Variants in MARK2 observed in about 807,000 individuals in gnomAD.
The protein encoded by MARK2 is microtubule affinity regulating kinase 2.
MARK2 carries 16 observed loss-of-function variants against 89.8 expected under a neutral mutation model. The ratio of observed to expected loss-of-function variants is 0.18; its 90% confidence interval spans 0.12 to 0.27. MARK2 has a LOEUF of 0.27. MARK2 is among the 10% of genes least tolerant of loss of function. The probability of loss-of-function intolerance (pLI) is 1.00; values close to 1 mark genes in which losing one functional copy is unlikely to be tolerated. For missense variants in MARK2, 621 were observed against 1,049.9 expected, an observed-to-expected ratio of 0.59 and a Z score of 5.65; for synonymous variants, 382 against 399.5, an observed-to-expected ratio of 0.96 and a Z score of 0.52.
intron 1 of MARK2, among the ~76,000 whole-genome samples, chr11:63,877,892 A>G (rs1368443587): frequency 6.6e-6 from 1 of 152,206 alleles, no homozygotes; most frequent in Non-Finnish European, 1.5e-5. Flanking sequence ...ACATATACTC[A>G]GTCTCACTGA....
At chr11:63,897,247 G>T (rs1940486283) in intron 3 of MARK2, among the ~76,000 whole-genome samples, 1 of 152,208 alleles carries the variant, frequency 6.6e-6, no homozygotes, top group South Asian at 2.1e-4. Flanking sequence ...CTGCCCCAGA[G>T]GGTGGTATCC....
intron 1 of MARK2, among the ~76,000 whole-genome samples, chr11:63,875,166 G>A (rs1233293843): frequency 6.7e-6 from 1 of 148,226 alleles, no homozygotes; most frequent in African/African-American, 2.5e-5. Flanking sequence ...TGTCACCCAG[G>A]CTTAAGTGCA....
At chr11:63,850,342 G>GTTTTTTTTTTTT (rs1382022541) in intron 1 of MARK2, among the ~76,000 whole-genome samples, 3 of 120,744 alleles carry the variant, frequency 2.5e-5, no homozygotes, top group Non-Finnish European at 5.1e-5. Context: ...TTTTTTTTTG[G>GTTTTTTTTTTTT]ATTTTTAGTA....
At chr11:63,846,945 C>T (rs140941733) in intron 1 of MARK2, among the ~76,000 whole-genome samples, 2,502 of 152,256 alleles carry the variant, frequency 0.016, 70 homozygotes, top group African/African-American at 0.057. Flanking sequence ...CGGGAGCCAC[C>T]GCGCCCAGCC....
chr11:63,856,831 G>A (rs1460544748), intron 1 of MARK2, among the ~76,000 whole-genome samples: 4 of 100,790 alleles, frequency 4.0e-5, no homozygotes, highest in Non-Finnish European at 7.1e-5. Flanking sequence ...TCGCTCTCTC[G>A]CTCTCTCACT....
intron 11 of MARK2, among the ~76,000 whole-genome samples, chr11:63,901,478 T>TTC: frequency 7.6e-6 from 1 of 131,098 alleles, no homozygotes; most frequent in Non-Finnish European, 1.6e-5. Context: ...TGTTGCTTTT[T>TTC]TTTTTTTTTT....
At chr11:63,875,864 C>T (rs1162635331) in intron 1 of MARK2, among the ~76,000 whole-genome samples, 1 of 152,202 alleles carries the variant, frequency 6.6e-6, no homozygotes, top group Non-Finnish European at 1.5e-5. Context: ...TCACTTCCCT[C>T]CCCATACACA....
chr11:63,861,020 T>C lies in MARK2; in HGVS notation c.54+21460T>C, dbSNP rs556586931. Among the ~76,000 whole-genome samples the C allele has an allele frequency of 1.6e-4, 25 of 152,334 alleles. No individual in the cohort carries two copies. In the South Asian group the frequency reaches 4.6e-3, roughly 28 times the overall value. On this transcript the variant is annotated intron_variant, in intron 1 of 18. Transcript: ENST00000402010. Reference sequence around the variant, plus strand: ...TCCCATCACTCAGCAAGTCCCATAATCTGCTTTTTCCACAAAGCGTATTTC... The same window carrying C: ...TCCCATCACTCAGCAAGTCCCATAACCTGCTTTTTCCACAAAGCGTATTTC...
At chr11:63,878,746 A>G (rs1424085460) in intron 1 of MARK2, among the ~76,000 whole-genome samples, 1 of 152,034 alleles carries the variant, frequency 6.6e-6, no homozygotes. Flanking sequence ...TGGTGCTTGG[A>G]GAGCAAAGAT....
At position 63,873,079 on chromosome 11, in the gene MARK2, C is replaced by T. The variant is rs1216364211; in HGVS notation, c.55-22080C>T. On this transcript the variant is annotated intron_variant, in intron 1 of 18. Coordinates refer to ENST00000402010, the MANE Select transcript of MARK2 (RefSeq NM_001039469.3). ...TCTGTGGCAGGTGTGTGCACTCATT[C>T]TGCTGTTACTGGAGACCAGTCTCCT... Among the ~76,000 whole-genome samples the T allele has an allele frequency of 7.2e-5, 11 of 152,020 alleles. No homozygotes were observed. In the East Asian group the frequency reaches 2.1e-3, roughly 29 times the overall value.
Position 63,902,423 on chromosome 11 carries a change from G to C in MARK2, c.1234+93G>C. 1 of 1,550,020 alleles carries C rather than the reference G, an allele frequency of 6.5e-7. No homozygotes were observed. On this transcript the variant is annotated intron_variant, in intron 12 of 18. Transcript: ENST00000402010. This position sits in a 1 kb window ranked among gnomAD's most constrained non-coding sequence, Gnocchi z 4.2. ...ACTTGGGTAACACAACTAAGTTTCA[G>C]TCCTGGTTCAGCCACTTATTAGTAG...
intron 3 of MARK2, 147 bp downstream of exon 3, chr11:63,895,780 C>T: frequency 1.4e-6 from 1 of 737,620 alleles, no homozygotes; most frequent in Middle Eastern, 3.9e-4. Flanking sequence ...AGCGATTCTC[C>T]CGCCTCAGCC....
chr11:63,909,014 G>A lies in MARK2; in HGVS notation c.2144G>A (p.Arg715His). Residue 715 changes from arginine (R) to histidine (H), a missense_variant, in exon 19 of 19, where the codon CGC (arginine) becomes CAC (histidine). This residue lies in a region of MARK2 where 49 missense variants were observed against 46.7 expected (regional missense o/e 1.05). Coordinates refer to ENST00000402010, the MANE Select transcript of MARK2 (RefSeq NM_001039469.3). ...MEPNEMMREIRKVLDANSCQS... is the reference protein window; with the variant it reads ...MEPNEMMREIHKVLDANSCQS... Reference sequence around the variant, plus strand: ...CCCAACGAGATGATGCGGGAGATCCGCAAGGTGCTGGACGCGAACAGCTGC... The same window carrying A: ...CCCAACGAGATGATGCGGGAGATCCACAAGGTGCTGGACGCGAACAGCTGC... The A allele has an allele frequency of 6.3e-7, 1 of 1,587,252 alleles. No individual in the cohort carries two copies. Among genetic ancestry groups the A allele is most frequent in the Non-Finnish European group, 8.6e-7 (1 of 1,158,286 alleles).
At chr11:63,839,809 C>T (rs984110480) in intron 1 of MARK2, among the ~76,000 whole-genome samples, 2 of 152,034 alleles carry the variant, frequency 1.3e-5, no homozygotes, top group African/African-American at 2.4e-5. Flanking sequence ...CGCCCTCCTG[C>T]GCTCTTCCGT....
chr11:63,867,647 A>C (rs968757915), intron 1 of MARK2, among the ~76,000 whole-genome samples: 14 of 152,324 alleles, frequency 9.2e-5, no homozygotes, highest in Admixed American at 5.9e-4. Flanking sequence ...GGCCTGTCTC[A>C]AGTTTCCAGA....
rs951853388 is a variant in MARK2, at chr11:63,910,155, G to A, written c.*918G>A. 1 of 152,388 alleles carries A rather than the reference G, an allele frequency of 6.6e-6. No homozygotes were observed. Among genetic ancestry groups the A allele is most frequent in the African/African-American group, 2.4e-5 (1 of 41,464 alleles). The allele number at this position is 152,388 out of a possible 1,614,324, so 9.4% of individuals were successfully genotyped here. On this transcript the variant is annotated 3_prime_UTR_variant, in exon 19 of 19. Coordinates refer to ENST00000402010, the MANE Select transcript of MARK2 (RefSeq NM_001039469.3). ...GCTTGGGCTGTTGGTCTCCAGAGCA[G>A]GGCCACTGGGCACTCTGTGATGGGG... is the stretch of plus-strand genomic sequence containing the variant.
Position 63,881,254 on chromosome 11 carries a change from G to A in MARK2, c.55-13905G>A, listed in dbSNP as rs141958627. Among the ~76,000 whole-genome samples, 495 of 152,118 alleles carry A rather than the reference G, an allele frequency of 3.3e-3. 3 individuals are homozygous for A. Among genetic ancestry groups the A allele is most frequent in the African/African-American group, 0.011 (474 of 41,492 alleles). On this transcript the variant is annotated intron_variant, in intron 1 of 18. Coordinates refer to ENST00000402010, the MANE Select transcript of MARK2 (RefSeq NM_001039469.3). ...CGGGAGGCAGAGGTTGCAGTCAGCC[G>A]AGATCACGCCACTGCACTCCAGCCT... is the stretch of plus-strand genomic sequence containing the variant.
chr11:63,852,876 T>C (rs192723525), intron 1 of MARK2, among the ~76,000 whole-genome samples: 140 of 152,332 alleles, frequency 9.2e-4, no homozygotes, highest in African/African-American at 3.0e-3. Flanking sequence ...GTACGTACTA[T>C]GAGCTCTTTA....
chr11:63,873,446 A>G (rs1163080693), intron 1 of MARK2, among the ~76,000 whole-genome samples: 1 of 152,056 alleles, frequency 6.6e-6, no homozygotes, highest in Non-Finnish European at 1.5e-5. Flanking sequence ...TTGGAGTGGG[A>G]GCACAGGCTG....
Sources: allele counts gnomAD v4.1 joint callset (sites outside exome capture counted in the v4.1 genomes callset), GRCh38; gene constraint gnomAD v4.1.1; regional missense constraint gnomAD v4.1.1; non-coding constraint Gnocchi (gnomAD v3.1); transcripts MANE v1.5; gene names NCBI Gene and HGNC (gene_info 2026-07-23, HGNC 2026-07-21).